The following LPIN1 variants were observed in gnomAD, a reference collection of about 807,000 sequenced individuals.
LPIN1 encodes lipin 1, also known as phosphatidate phosphatase LPIN1.
A neutral mutation model predicts 107.5 loss-of-function variants in LPIN1; 71 were observed. The observed-to-expected ratio is 0.66, with a 90% CI of 0.55 to 0.80. LPIN1 has a LOEUF of 0.80. Ranked by LOEUF, LPIN1 falls within the 30% of genes least tolerant of loss-of-function variation. The probability of loss-of-function intolerance (pLI) is 0.00; values close to 1 mark genes in which losing one functional copy is unlikely to be tolerated. For missense variants in LPIN1, 1,043 were observed against 1,160.6 expected (o/e 0.90, Z 1.47); for synonymous variants, 445 against 452.6 (o/e 0.98, Z 0.21).
At chr2:11,746,736 GCGGGGCGCGGCGC>G (rs1370803970) in intron 1 of LPIN1, 65 bp downstream of exon 1, 9 of 857,886 alleles carry the variant, frequency 1.0e-5, no homozygotes, top group Non-Finnish European at 1.3e-5. Context: ...GTTAGGCGGG[GCGGGGCGCGGCGC>G]CGGGGCGCTG....
intron 13 of LPIN1, chr2:11,792,381 C>T (rs1675914356): frequency 4.2e-6 from 1 of 238,906 alleles, no homozygotes; most frequent in Non-Finnish European, 8.4e-6. Flanking sequence ...TTCTCCCCTC[C>T]CCTCCCCTCC....
rs576276035 is a variant in LPIN1 at position 11,714,534 on chromosome 2, G to A, written c.138+722G>A. Among the ~76,000 whole-genome samples the A allele has an allele frequency of 2.7e-3, 416 of 152,244 alleles. 2 individuals are homozygous for A. The highest frequency in any genetic ancestry group is 3.6e-3 in the Non-Finnish European group (244 of 68,008). The stretch of plus-strand genomic sequence containing the variant: ...GAGGTGGTCCCAAACTCTGTCTCCC[G>A]TTCCTTTCTCCTCGGGCCTTCACCC... On this transcript the variant is annotated intron_variant, in intron 2 of 21. Coordinates refer to the LPIN1 transcript ENST00000449576.
chr2:11,720,522 G>A (rs565848405), upstream of LPIN1, among the ~76,000 whole-genome samples: 10 of 152,156 alleles, frequency 6.6e-5, no homozygotes, highest in Non-Finnish European at 1.0e-4. Context: ...AGCGGGGGAG[G>A]TTGATGATGC....
In LPIN1 at chr2:11,739,504, AAAGTAG is replaced by A. The variant is rs1482218093; in HGVS notation, c.-71-1841_-71-1836del. Among the ~76,000 whole-genome samples the A allele has an allele frequency of 6.6e-5, 10 of 152,382 alleles. No homozygotes were observed. In the East Asian group the frequency reaches 1.9e-3, roughly 29 times the overall value. ...CCTAAAATTCAGGACATCGAGGAGA[AAAGTAG>A]AAGAGAATTGCCTCAAAGAGGTGAC... On this transcript the variant is annotated intron_variant, in intron 1 of 21. Transcript: ENST00000396097.
chr2:11,792,477 G>T (rs943785256), intron 13 of LPIN1: 2 of 189,612 alleles, frequency 1.1e-5, no homozygotes, highest in Non-Finnish European at 2.2e-5. Flanking sequence ...CTGCCTCCCG[G>T]GCTCAAGCAA....
At chr2:11,677,830 C>T in intron 1 of LPIN1, 1 of 1,036,904 alleles carries the variant, frequency 9.6e-7, no homozygotes. Context: ...ACATTTGCGC[C>T]CAGAGCGCCT....
chr2:11,699,202 G>A (rs975334279), intron 1 of LPIN1, among the ~76,000 whole-genome samples: 3 of 152,206 alleles, frequency 2.0e-5, no homozygotes, highest in Admixed American at 2.0e-4. Context: ...GGACACTCCT[G>A]CTATAAATCA....
intron 1 of LPIN1, among the ~76,000 whole-genome samples, chr2:11,693,812 ATATATATATATTTTTTTTTTTTTTT>A (rs1662418317): frequency 3.2e-5 from 1 of 31,354 alleles, no homozygotes; most frequent in African/African-American, 8.1e-5. Context: ...ATATATATAT[ATATATATATATTTTTTTTTTTTTTT>A]TTTTTTTTTT....
At chr2:11,716,170 G>A (rs1052471625) in intron 2 of LPIN1, among the ~76,000 whole-genome samples, 7 of 152,162 alleles carry the variant, frequency 4.6e-5, no homozygotes, top group Admixed American at 1.3e-4. Flanking sequence ...AGGTGTGCAA[G>A]GTGGACAGAC....
chr2:11,682,165 C>G (rs948794492), intron 1 of LPIN1: 1 of 152,402 alleles, frequency 6.6e-6, no homozygotes, highest in African/African-American at 2.4e-5. Flanking sequence ...TCTCAGCGTC[C>G]TGGGCTTGCC....
upstream of LPIN1, among the ~76,000 whole-genome samples, chr2:11,722,941 A>G (rs1664256800): frequency 6.6e-6 from 1 of 152,242 alleles, no homozygotes. Flanking sequence ...AAAAGTCAAC[A>G]AAGCATGTGC....
In LPIN1 at chr2:11,779,867, C is replaced by T. The variant is rs147387879; in HGVS notation, c.957+222C>T. ...TTGTAGATTTTAAACCTATGGGATT[C>T]CTCTTAGGATTTACTTTTTTTTTTT... On this transcript the variant is annotated intron_variant, in intron 7 of 20. Transcript: ENST00000674199. Among the ~76,000 whole-genome samples the T allele has an allele frequency of 0.015, 2,264 of 151,978 alleles. 35 individuals carry two copies. The highest frequency in any genetic ancestry group is 0.021 in the Non-Finnish European group (1,404 of 67,976).
chr2:11,792,953 T>C (rs961425860), intron 13 of LPIN1, among the ~76,000 whole-genome samples: 1 of 152,184 alleles, frequency 6.6e-6, no homozygotes, highest in Admixed American at 6.5e-5. Context: ...TCAAAGCTCA[T>C]GTTAGGCCAC....
At chr2:11,735,972 C>G (rs997119050) in intron 1 of LPIN1, among the ~76,000 whole-genome samples, 1 of 152,216 alleles carries the variant, frequency 6.6e-6, no homozygotes, top group South Asian at 2.1e-4. Flanking sequence ...ACAGGTTGCA[C>G]AGTGTCTTCT....
At chr2:11,738,534 G>A (rs999725916) in intron 1 of LPIN1, among the ~76,000 whole-genome samples, 3 of 149,478 alleles carry the variant, frequency 2.0e-5, no homozygotes, top group Non-Finnish European at 1.5e-5. Context: ...TTACCCTCCT[G>A]TCTTAAAAAC....
Position 11,707,185 on chromosome 2 carries a change from G to A in LPIN1, c.82-6571G>A, listed in dbSNP as rs953439978. ...AGAAAACAAAGAATAATGATCTAAC[G>A]TCAGATACTGATAAAGTGCTAAGAA... On this transcript the variant is annotated intron_variant, in intron 1 of 21. Transcript: ENST00000449576. This position sits in a 1 kb window ranked among gnomAD's most constrained non-coding sequence, Gnocchi z 4.2. Among the ~76,000 whole-genome samples the A allele has an allele frequency of 5.3e-5, 8 of 152,144 alleles. No individual in the cohort carries two copies. Among genetic ancestry groups the A allele is most frequent in the South Asian group, 4.2e-4 (2 of 4,812 alleles).
chr2:11,696,678 G>A (rs188556842), intron 1 of LPIN1, among the ~76,000 whole-genome samples: 32 of 152,284 alleles, frequency 2.1e-4, no homozygotes, highest in African/African-American at 7.5e-4. Context: ...GCTGAGGAGC[G>A]AGGTGACTGC....
chr2:11,798,064 A>G (rs766698083), intron 14 of LPIN1, among the ~76,000 whole-genome samples: 21 of 152,100 alleles, frequency 1.4e-4, no homozygotes, highest in Non-Finnish European at 2.5e-4. Flanking sequence ...AACATCTGGC[A>G]TTTCTCCGGC....
At chr2:11,714,501 C>T (rs534957141) in intron 2 of LPIN1, among the ~76,000 whole-genome samples, 2 of 152,230 alleles carry the variant, frequency 1.3e-5, no homozygotes. Context: ...TCCCTCGCCC[C>T]ACTCCCAGAG....
Sources: allele counts gnomAD v4.1 joint callset (sites outside exome capture counted in the v4.1 genomes callset), GRCh38; gene constraint gnomAD v4.1.1; non-coding constraint Gnocchi (gnomAD v3.1); transcripts MANE v1.5; gene names NCBI Gene and HGNC (gene_info 2026-07-23, HGNC 2026-07-21).